NDUFA12: variants seen among roughly 807,000 people sequenced by gnomAD.
NDUFA12 encodes the protein NADH:ubiquinone oxidoreductase subunit A12.
Under a neutral mutation model 20.3 loss-of-function variants are expected in NDUFA12, and 17 were observed. The observed-to-expected ratio is 0.84, with a 90% CI of 0.57 to 1.26. The LOEUF (loss-of-function observed/expected upper bound fraction) is 1.26. Among genes scored for constraint, NDUFA12 ranks in the 50% most tolerant of loss-of-function variants. NDUFA12 has a pLI of 0.00. For missense variants in NDUFA12, 191 were observed against 183.7 expected (o/e 1.04, Z -0.23); for synonymous variants, 72 against 63.6 (o/e 1.13, Z -0.63).
intron 3 of NDUFA12, among the ~76,000 whole-genome samples, chr12:94,976,973 C>T (rs1874081425): frequency 6.6e-6 from 1 of 152,170 alleles, no homozygotes; most frequent in Non-Finnish European, 1.5e-5. Context: ...ACAATCTTGT[C>T]TTCTGCTTAT....
At chr12:94,983,753 C>T (rs1275004581) in intron 3 of NDUFA12, among the ~76,000 whole-genome samples, 1 of 62,328 alleles carries the variant, frequency 1.6e-5, no homozygotes, top group Non-Finnish European at 3.1e-5. Context: ...CAGCCTAGGC[C>T]ATGACTTACA....
chr12:94,996,108 TG>T (rs1322076522), intron 2 of NDUFA12, among the ~76,000 whole-genome samples: 1 of 151,616 alleles, frequency 6.6e-6, no homozygotes, highest in East Asian at 2.0e-4. Flanking sequence ...CTCTCAAGGC[TG>T]AGGTGAGAGG....
intron 3 of NDUFA12, among the ~76,000 whole-genome samples, chr12:94,989,982 G>A (rs1874582222): frequency 1.3e-5 from 2 of 152,014 alleles, no homozygotes; most frequent in African/African-American, 4.8e-5. Flanking sequence ...CAATCTCTCA[G>A]TTAAACAAAA....
chr12:94,980,035 C>G (rs1446415281), intron 3 of NDUFA12, among the ~76,000 whole-genome samples: 2 of 152,112 alleles, frequency 1.3e-5, no homozygotes, highest in Non-Finnish European at 2.9e-5. Flanking sequence ...CATCATCTTC[C>G]TCAACCTCTT....
At chr12:94,981,269 A>AATACATACATAC (rs10685216) in intron 3 of NDUFA12, among the ~76,000 whole-genome samples, 511 of 149,088 alleles carry the variant, frequency 3.4e-3, no homozygotes, top group African/African-American at 5.9e-3. Flanking sequence ...GTCTCTACTA[A>AATACATACATAC]ATACATACAT....
chr12:94,990,724 C>T (rs1291017614), intron 3 of NDUFA12, among the ~76,000 whole-genome samples: 2 of 152,160 alleles, frequency 1.3e-5, no homozygotes, highest in Non-Finnish European at 2.9e-5. Flanking sequence ...AGCCACCACA[C>T]CAAGCCCCAG....
chr12:94,989,349 G>C (rs957664400), intron 3 of NDUFA12, among the ~76,000 whole-genome samples: 2 of 152,118 alleles, frequency 1.3e-5, no homozygotes, highest in African/African-American at 4.8e-5. Context: ...ATAGTTATTT[G>C]AATAGGGATG....
At chr12:95,003,150 C>A (rs1354077798) in intron 1 of NDUFA12, among the ~76,000 whole-genome samples, 1 of 152,230 alleles carries the variant, frequency 6.6e-6, no homozygotes, top group African/African-American at 2.4e-5. Flanking sequence ...CAGGCTCTTT[C>A]ATTCCACTCT....
At chr12:94,977,507 A>C (rs1874096583) in intron 3 of NDUFA12, among the ~76,000 whole-genome samples, 1 of 151,732 alleles carries the variant, frequency 6.6e-6, no homozygotes, top group South Asian at 2.1e-4. Context: ...TGCCCCAAAA[A>C]CCCCACAAAA....
intron 3 of NDUFA12, among the ~76,000 whole-genome samples, chr12:94,984,893 G>A (rs1000605159): frequency 1.6e-4 from 24 of 146,390 alleles, no homozygotes; most frequent in African/African-American, 5.3e-4. Context: ...CAGGAGAATT[G>A]CTTGAACCTG....
chr12:94,998,949 C>A (rs1423706480), intron 2 of NDUFA12, among the ~76,000 whole-genome samples: 2 of 152,126 alleles, frequency 1.3e-5, no homozygotes, highest in African/African-American at 4.8e-5. Context: ...CATCAAAATA[C>A]CATCATCATT....
intron 2 of NDUFA12, among the ~76,000 whole-genome samples, chr12:94,996,352 C>CAT (rs1294267146): frequency 7.4e-6 from 1 of 135,282 alleles, no homozygotes; most frequent in Non-Finnish European, 1.6e-5. Flanking sequence ...CACACACACA[C>CAT]ACACACGAGA....
intron 3 of NDUFA12, among the ~76,000 whole-genome samples, chr12:94,992,509 A>G (rs1874677038): frequency 6.6e-6 from 1 of 152,316 alleles, no homozygotes; most frequent in Admixed American, 6.5e-5. Context: ...TGTGATGTTG[A>G]CATGCCTCCA....
At chr12:95,002,124 C>T (rs953343756) in intron 2 of NDUFA12, among the ~76,000 whole-genome samples, 1 of 151,834 alleles carries the variant, frequency 6.6e-6, no homozygotes, top group African/African-American at 2.4e-5. Context: ...TATGGTTTTG[C>T]CCACATTGGG....
chr12:94,994,252 G>T lies in NDUFA12; in HGVS notation c.175C>A (p.His59Asn), dbSNP rs201879470. The part of the protein sequence containing the change: ...YEDNKQFFGR[H>N]RWVVYTTEMN... ...TCAGTAGTATATACAACCCATCGGTGACGGCCTGGGTGGGAAGATGAACAT... is the reference window on the plus strand; with the variant it reads ...TCAGTAGTATATACAACCCATCGGTTACGGCCTGGGTGGGAAGATGAACAT... Residue 59 changes from histidine (H) to asparagine (N), a missense_variant, in exon 3 of 4, where the codon CAC (histidine) becomes AAC (asparagine). By Grantham distance (68) the His-to-Asn change is moderately conservative (BLOSUM62 1). Coordinates refer to ENST00000327772, the MANE Select transcript of NDUFA12 (RefSeq NM_018838.5). 3 of 1,613,896 alleles carry T rather than the reference G, an allele frequency of 1.9e-6. No individual in the cohort carries two copies. Among genetic ancestry groups the T allele is most frequent in the Non-Finnish European group, 2.5e-6 (3 of 1,179,822 alleles).
intron 2 of NDUFA12, among the ~76,000 whole-genome samples, chr12:94,998,100 A>G (rs10859820): frequency 0.41 from 61,793 of 152,036 alleles, 13,148 homozygotes; most frequent in East Asian, 0.58. Flanking sequence ...TTAGCTAACC[A>G]AATCCAACAG....
chr12:94,981,989 A>G (rs781670358), intron 3 of NDUFA12, among the ~76,000 whole-genome samples: 1 of 152,230 alleles, frequency 6.6e-6, no homozygotes, highest in South Asian at 2.1e-4. Flanking sequence ...AATGTTTCCC[A>G]TAAGATTAGA....
chr12:94,985,012 G>GATAAAATAAAATAAAATAAAATAAA (rs1327187233), intron 3 of NDUFA12, among the ~76,000 whole-genome samples: 1 of 147,210 alleles, frequency 6.8e-6, no homozygotes. Flanking sequence ...CATAAAATAA[G>GATAAAATAAAATAAAATAAAATAAA]ATAAAATAAA....
Position 94,971,532 on chromosome 12 carries a change from T to C in NDUFA12, c.346A>G (p.Asn116Asp). Reference protein sequence around the residue: ...RKFIWTNHKFNVTGTPEQYVP... With the variant: ...RKFIWTNHKFDVTGTPEQYVP... ...TATTGTTCTGGGGTGCCAGTCACGT[T>C]GAATTTATGGTTCGTCCAAATGAAT... The change falls in exon 4 of 4, where the codon AAC becomes GAC. Residue 116 changes from asparagine to aspartate, a missense_variant. Physicochemically the swap from Asn to Asp is conservative, Grantham distance 23 (BLOSUM62 1). Transcript: ENST00000327772. 1 of 1,614,230 alleles carries C rather than the reference T, an allele frequency of 6.2e-7. No individual in the cohort carries two copies. The highest frequency in any genetic ancestry group is 8.5e-7 in the Non-Finnish European group (1 of 1,180,040).
Sources: allele counts gnomAD v4.1 joint callset (sites outside exome capture counted in the v4.1 genomes callset), GRCh38; gene constraint gnomAD v4.1.1; transcripts MANE v1.5; gene names NCBI Gene and HGNC (gene_info 2026-07-23, HGNC 2026-07-21).